PPP1R2: variants seen among roughly 807,000 people sequenced by gnomAD.
The protein encoded by PPP1R2 is protein phosphatase inhibitor 2.
PPP1R2 carries 16 observed loss-of-function variants against 29.9 expected under a neutral mutation model. The observed-to-expected ratio is 0.53, with a 90% CI of 0.36 to 0.81. The LOEUF (loss-of-function observed/expected upper bound fraction) is 0.81, where lower values mean the gene tolerates loss of function less well. PPP1R2 is among the 30% of genes least tolerant of loss of function. The pLI, the probability that PPP1R2 is intolerant of heterozygous loss-of-function variation, is 0.00. For missense variants in PPP1R2, 197 were observed against 252.7 expected, an observed-to-expected ratio of 0.78 and a Z score of 1.49; for synonymous variants, 76 against 91.5, an observed-to-expected ratio of 0.83 and a Z score of 0.96.
chr3:195,523,632 G>C, intron 4 of PPP1R2, 60 bp downstream of exon 4: 1 of 1,365,302 alleles, frequency 7.3e-7, no homozygotes, highest in African/African-American at 1.4e-5. Context: ...TCCAAATAAT[G>C]GATTTATCTT....
In PPP1R2 at chr3:195,519,194, T is replaced by G. The variant is rs1332655366; in HGVS notation, c.404-9A>C. 1.9e-6 allele frequency: 3 copies of G among 1,587,710 alleles called. No homozygotes were observed. The highest frequency in any genetic ancestry group is 2.7e-5 in the African/African-American group (2 of 73,368). On this transcript the variant is annotated splice_polypyrimidine_tract_variant and intron_variant, in intron 4 of 5. Transcript: ENST00000618156. ...AAATTGTCGCTTTTTTTCTATAAGATGCAAAATGTAAACTTAGGAAGTTTG... is the reference window on the plus strand; with the variant it reads ...AAATTGTCGCTTTTTTTCTATAAGAGGCAAAATGTAAACTTAGGAAGTTTG...
chr3:195,533,986 C>A (rs1719281358), intron 1 of PPP1R2, among the ~76,000 whole-genome samples: 1 of 152,160 alleles, frequency 6.6e-6, no homozygotes, highest in Non-Finnish European at 1.5e-5. Context: ...AACCAACAGG[C>A]TGCAGACGAG....
At chr3:195,528,567 C>T (rs1344968485) in intron 2 of PPP1R2, 2 of 152,076 alleles carry the variant, frequency 1.3e-5, no homozygotes, top group African/African-American at 2.4e-5. Flanking sequence ...TCTTTCACTA[C>T]AGAACAAATG....
chr3:195,541,819 A>G (rs2108957417), intron 1 of PPP1R2, among the ~76,000 whole-genome samples: 1 of 152,214 alleles, frequency 6.6e-6, no homozygotes, highest in South Asian at 2.1e-4. Flanking sequence ...CAGCCCCAAA[A>G]GGCCACGATT....
chr3:195,532,917 T>G (rs1031377465), intron 1 of PPP1R2, among the ~76,000 whole-genome samples: 1 of 152,220 alleles, frequency 6.6e-6, no homozygotes, highest in Non-Finnish European at 1.5e-5. Flanking sequence ...TATCAAAACA[T>G]GCACATACAA....
chr3:195,532,169 C>A (rs1719203543), intron 1 of PPP1R2, among the ~76,000 whole-genome samples: 7 of 151,316 alleles, frequency 4.6e-5, no homozygotes, highest in Admixed American at 4.6e-4. Flanking sequence ...TAGGTGGGAC[C>A]ACAGGTACGC....
chr3:195,530,046 C>T (rs764096031), intron 1 of PPP1R2, 145 bp from the exon 2 acceptor site: 39 of 629,074 alleles, frequency 6.2e-5, no homozygotes, highest in Non-Finnish European at 1.0e-4. Flanking sequence ...GGAATAGAAG[C>T]TGACTCAGGG....
intron 2 of PPP1R2, 50 bp downstream of exon 2, chr3:195,529,744 A>G: frequency 7.5e-7 from 1 of 1,325,020 alleles, no homozygotes; most frequent in Middle Eastern, 2.6e-4. Context: ...TTCATATGAA[A>G]TGCAAAATGG....
intron 4 of PPP1R2, 104 bp downstream of exon 4, chr3:195,523,588 G>T (rs1718849645): frequency 3.5e-6 from 3 of 847,070 alleles, no homozygotes; most frequent in Admixed American, 2.0e-5. Context: ...CTCCTCCCCT[G>T]TGTGTCCCCA....
At chr3:195,527,809 T>G in intron 2 of PPP1R2, 1 of 241,534 alleles carries the variant, frequency 4.1e-6, no homozygotes, top group South Asian at 4.1e-5. Context: ...CAGGCTGTAG[T>G]GTGCTATAAC....
At chr3:195,528,702 A>ACTT (rs1719069862) in intron 2 of PPP1R2, 3 of 59,968 alleles carry the variant, frequency 5.0e-5, no homozygotes, top group African/African-American at 2.4e-4. Context: ...GGGCATAACT[A>ACTT]TTTTTTTTTT....
At position 195,514,989 on chromosome 3, in the gene PPP1R2, A is replaced by G; in HGVS notation, c.*1907T>C. On this transcript the variant is annotated 3_prime_UTR_variant, in exon 6 of 6. Transcript: ENST00000618156. ...TGTTTAAAGTCTTATCCTTTTCTTCACTCTATGACAGCTACTTCTACAAAA... is the reference window on the plus strand; with the variant it reads ...TGTTTAAAGTCTTATCCTTTTCTTCGCTCTATGACAGCTACTTCTACAAAA... 5.0e-6 allele frequency: 1 copy of G among 198,708 alleles called. No individual in the cohort carries two copies. Among genetic ancestry groups the G allele is most frequent in the Non-Finnish European group, 1.1e-5 (1 of 92,028 alleles). 12.3% of individuals were successfully genotyped at this position (198,708 alleles called of 1,614,324 possible). A position where few individuals can be genotyped will look rare whatever the true frequency, so the allele number is the denominator to read the frequency against.
At chr3:195,537,596 T>TA (rs1459083364) in intron 1 of PPP1R2, among the ~76,000 whole-genome samples, 1 of 152,032 alleles carries the variant, frequency 6.6e-6, no homozygotes, top group Non-Finnish European at 1.5e-5. Context: ...GAATTATGTT[T>TA]ACATCCTTTG....
Position 195,535,520 on chromosome 3 carries a change from G to A in PPP1R2, c.123-5619C>T, listed in dbSNP as rs1719346879. 3.3e-5 allele frequency among the ~76,000 whole-genome samples: 5 copies of A among 152,218 alleles called. No individual in the cohort carries two copies. In the South Asian group the frequency reaches 1.0e-3, roughly 32 times the overall value. On this transcript the variant is annotated intron_variant, in intron 1 of 5. Coordinates refer to ENST00000618156, the MANE Select transcript of PPP1R2 (RefSeq NM_006241.8). ...CGACAGTGCCAATCAAGGAACTAAT[G>A]AGATTGTGGATTATTTGGTGGGGGT...
At chr3:195,530,394 C>T (rs771520324) in intron 1 of PPP1R2, among the ~76,000 whole-genome samples, 4 of 152,226 alleles carry the variant, frequency 2.6e-5, no homozygotes, top group East Asian at 1.9e-4. Context: ...CAAACTCAGA[C>T]ACCACTAAAT....
At chr3:195,536,277 A>C (rs1338780159) in intron 1 of PPP1R2, among the ~76,000 whole-genome samples, 1 of 141,168 alleles carries the variant, frequency 7.1e-6, no homozygotes, top group East Asian at 2.2e-4. Context: ...TGGGCAACAT[A>C]GCGAGACCCT....
At chr3:195,518,670 C>A (rs1718642785) in intron 5 of PPP1R2, among the ~76,000 whole-genome samples, 1 of 150,742 alleles carries the variant, frequency 6.6e-6, no homozygotes, top group Non-Finnish European at 1.5e-5. Context: ...AAAAAAGTTT[C>A]ATTTAAAAAT....
intron 1 of PPP1R2, among the ~76,000 whole-genome samples, chr3:195,540,320 A>C (rs578173385): frequency 6.6e-6 from 1 of 152,210 alleles, no homozygotes; most frequent in South Asian, 2.1e-4. Flanking sequence ...TTCGTGGCCT[A>C]TTTAGGGTCC....
intron 1 of PPP1R2, among the ~76,000 whole-genome samples, chr3:195,530,717 G>A (rs1279035128): frequency 6.6e-6 from 1 of 152,054 alleles, no homozygotes; most frequent in Non-Finnish European, 1.5e-5. Context: ...GGAGAGACAG[G>A]GTTTCACCAT....
Sources: allele counts gnomAD v4.1 joint callset (sites outside exome capture counted in the v4.1 genomes callset), GRCh38; gene constraint gnomAD v4.1.1; transcripts MANE v1.5; gene names NCBI Gene and HGNC (gene_info 2026-07-23, HGNC 2026-07-21).